Variants in EDEM1 observed in about 807,000 individuals in gnomAD.
EDEM1 encodes ER degradation-enhancing alpha-mannosidase-like protein 1.
EDEM1 carries 67 observed loss-of-function variants against 74.4 expected under a neutral mutation model. The observed-to-expected ratio is 0.90, with a 90% CI of 0.74 to 1.10. The LOEUF (loss-of-function observed/expected upper bound fraction) is 1.10. Among genes scored for constraint, EDEM1 ranks in the 50% least tolerant of loss-of-function variants. EDEM1 has a pLI of 0.00. For missense variants in EDEM1, 926 were observed against 851.6 expected (o/e 1.09, Z -1.09); for synonymous variants, 382 against 335.9 (o/e 1.14, Z -1.50).
chr3:5,213,253 G>C (rs1019627097), intron 10 of EDEM1, 66 bp from the exon 11 acceptor site: 1 of 1,474,928 alleles, frequency 6.8e-7, no homozygotes, highest in Admixed American at 2.0e-5. Flanking sequence ...GCTGGGACAC[G>C]CCCCCATGAT....
rs557911036 is a variant in EDEM1 at position 5,210,161 on chromosome 3, C to T, written c.1510-14C>T. 49 of 1,611,588 alleles carry T rather than the reference C, an allele frequency of 3.0e-5. No homozygotes were observed. In the South Asian group the frequency reaches 4.7e-4, roughly 16 times the overall value. ...AAGCCCATGCTGGATCACATTCTCTCGTGTTCTCTCTAGGCAACCAAGAAT... is the reference window on the plus strand; with the variant it reads ...AAGCCCATGCTGGATCACATTCTCTTGTGTTCTCTCTAGGCAACCAAGAAT... On this transcript the variant is annotated splice_polypyrimidine_tract_variant and intron_variant, in intron 8 of 11. Coordinates refer to ENST00000256497, the MANE Select transcript of EDEM1 (RefSeq NM_014674.3).
Position 5,216,117 on chromosome 3 carries a change from A to C in EDEM1, c.*199A>C, listed in dbSNP as rs186880365. The C allele has an allele frequency of 1.8e-5, 10 of 540,784 alleles. No homozygotes were observed. The African/African-American group carries it at 2.0e-4, about 11-fold the overall frequency. 33.5% of individuals were successfully genotyped at this position (540,784 alleles called of 1,614,324 possible). ...CTCCTGTTCAATAAAATGCCCTGTT[A>C]AGGATATAATTTGAAGTGAGAAGAT... On this transcript the variant is annotated 3_prime_UTR_variant, in exon 12 of 12. Coordinates refer to ENST00000256497, the MANE Select transcript of EDEM1 (RefSeq NM_014674.3).
In EDEM1 at chr3:5,216,448, AGAGGATT is replaced by A. The variant is rs1453156310; in HGVS notation, c.*534_*540del. 6 of 152,158 alleles carry A rather than the reference AGAGGATT, an allele frequency of 3.9e-5. No homozygotes were observed. Among genetic ancestry groups the A allele is most frequent in the Non-Finnish European group, 8.8e-5 (6 of 68,036 alleles). The allele number at this position is 152,158 out of a possible 1,614,324, so 9.4% of individuals were successfully genotyped here. On this transcript the variant is annotated 3_prime_UTR_variant, in exon 12 of 12. Coordinates refer to ENST00000256497, the MANE Select transcript of EDEM1 (RefSeq NM_014674.3). ...GTACCTGGCTAGCTACTTCTTTGTT[AGAGGATT>A]GAGAATGAAATTTCTGCAAAAGGGC... is the stretch of plus-strand genomic sequence containing the variant.
chr3:5,213,810 G>A (rs896065623), intron 11 of EDEM1, among the ~76,000 whole-genome samples: 2 of 152,134 alleles, frequency 1.3e-5, no homozygotes, highest in Middle Eastern at 3.2e-3. Context: ...CAGGAGCCAC[G>A]GCTCAGATCT....
At chr3:5,204,931 A>G (rs989475705) in intron 5 of EDEM1, 136 bp from the exon 6 acceptor site, 11 of 901,266 alleles carry the variant, frequency 1.2e-5, no homozygotes, top group Non-Finnish European at 1.7e-6. Context: ...GTTAGGTCCA[A>G]GCAACCACCT....
At chr3:5,190,450 G>C (rs964960984) in intron 1 of EDEM1, among the ~76,000 whole-genome samples, 10 of 152,342 alleles carry the variant, frequency 6.6e-5, no homozygotes, top group Admixed American at 2.6e-4. Context: ...AACCTTAAAA[G>C]CGCTTCTGGA....
At chr3:5,207,384 A>T in intron 7 of EDEM1, 111 bp downstream of exon 7, 1 of 1,471,760 alleles carries the variant, frequency 6.8e-7, no homozygotes, top group African/African-American at 1.4e-5. Context: ...TGGATTTGGG[A>T]GGTCACTGAC....
intron 1 of EDEM1, among the ~76,000 whole-genome samples, chr3:5,190,566 G>A (rs1248700147): frequency 6.6e-6 from 1 of 152,232 alleles, no homozygotes; most frequent in Non-Finnish European, 1.5e-5. Context: ...GATGAAGGCT[G>A]CCGATGAGTG....
intron 1 of EDEM1, among the ~76,000 whole-genome samples, chr3:5,194,589 G>T (rs894589072): frequency 1.3e-5 from 2 of 152,166 alleles, no homozygotes; most frequent in South Asian, 2.1e-4. Context: ...CAGTCAAGAA[G>T]TGAGAAAGGC....
At chr3:5,211,335 C>T (rs2055164839) in intron 10 of EDEM1, 119 bp downstream of exon 10, 1 of 972,454 alleles carries the variant, frequency 1.0e-6, no homozygotes, top group Non-Finnish European at 1.6e-6. Context: ...ATTGTGCATT[C>T]CCAGGATGCA....
At chr3:5,199,810 C>A in intron 3 of EDEM1, 115 bp downstream of exon 3, 1 of 701,364 alleles carries the variant, frequency 1.4e-6, no homozygotes, top group Non-Finnish European at 2.3e-6. Flanking sequence ...TCCATATGGG[C>A]TTTATGGGTG....
Position 5,202,976 on chromosome 3 carries a change from A to G in EDEM1, c.869A>G (p.Lys290Arg), listed in dbSNP as rs1443995257. 2 of 1,613,390 alleles carry G rather than the reference A, an allele frequency of 1.2e-6. No individual in the cohort carries two copies. Among genetic ancestry groups the G allele is most frequent in the East Asian group, 4.5e-5 (2 of 44,764 alleles). The change falls in exon 5 of 12, where the codon AAG (lysine) becomes AGG (arginine). Residue 290 changes from lysine (K) to arginine (R), a missense_variant. Transcript: ENST00000256497. The stretch of plus-strand genomic sequence containing the variant: ...TGTTCCCATCCCCAGGTGAATCTAA[A>G]GACAGGAGTTCCTCCTGACACCAAT... ...TGIPYPRVNL[K>R]TGVPPDTNNE...
At chr3:5,198,662 CTTTTTT>C (rs57260414) in intron 2 of EDEM1, among the ~76,000 whole-genome samples, 2 of 75,156 alleles carry the variant, frequency 2.7e-5, no homozygotes, top group African/African-American at 4.6e-5. Context: ...ACGTATATAG[CTTTTTT>C]TTTTTTTTTT....
intron 1 of EDEM1, among the ~76,000 whole-genome samples, chr3:5,194,248 T>G (rs1486851759): frequency 2.0e-5 from 3 of 152,236 alleles, no homozygotes; most frequent in Non-Finnish European, 4.4e-5. Flanking sequence ...ATAAAATCTT[T>G]AAACAGTTGT....
intron 2 of EDEM1, 87 bp from the exon 3 acceptor site, chr3:5,199,505 T>G: frequency 1.1e-6 from 1 of 912,350 alleles, no homozygotes; most frequent in Non-Finnish European, 1.7e-6. Context: ...CATACAGACA[T>G]TTAGGTGACG....
intron 4 of EDEM1, among the ~76,000 whole-genome samples, chr3:5,202,453 T>C (rs1202623604): frequency 6.6e-6 from 1 of 152,186 alleles, no homozygotes; most frequent in African/African-American, 2.4e-5. Context: ...AGCCCAGAAC[T>C]CCTCTGGGAA....
chr3:5,213,014 G>A (rs1389344131), intron 10 of EDEM1, among the ~76,000 whole-genome samples: 1 of 152,226 alleles, frequency 6.6e-6, no homozygotes, highest in Admixed American at 6.5e-5. Flanking sequence ...AAATCATCCA[G>A]TGAACTTTTA....
intron 11 of EDEM1, among the ~76,000 whole-genome samples, chr3:5,215,479 A>T (rs2055222969): frequency 6.6e-6 from 1 of 152,212 alleles, no homozygotes; most frequent in South Asian, 2.1e-4. Flanking sequence ...AGTTGCTGCG[A>T]TGCCTTTTAG....
chr3:5,206,950 T>C (rs2055104768), intron 6 of EDEM1, among the ~76,000 whole-genome samples: 1 of 152,248 alleles, frequency 6.6e-6, no homozygotes, highest in Admixed American at 6.5e-5. Context: ...GTTAGGAACT[T>C]TGATCCTGTG....
Sources: gnomAD v4.1 joint callset for allele counts (sites outside exome capture counted in the v4.1 genomes callset) on GRCh38, gnomAD v4.1.1 for gene constraint, MANE v1.5 for transcripts, NCBI Gene and HGNC (gene_info 2026-07-23, HGNC 2026-07-21) for gene names.